KSR2: variants seen among roughly 807,000 people sequenced by gnomAD.
KSR2 encodes kinase suppressor of ras 2.
Under a neutral mutation model 107.8 loss-of-function variants are expected in KSR2, and 25 were observed. The observed-to-expected ratio is 0.23, with a 90% CI of 0.17 to 0.32. KSR2 has a LOEUF of 0.32. Ranked by LOEUF, KSR2 falls within the 10% of genes least tolerant of loss-of-function variation. The pLI is 1.00. For missense variants in KSR2, 887 were observed against 1,268.9 expected, an observed-to-expected ratio of 0.70 and a Z score of 4.57; for synonymous variants, 480 against 507.0, an observed-to-expected ratio of 0.95 and a Z score of 0.71.
At chr12:117,860,790 C>T (rs1269707209) in intron 1 of KSR2, among the ~76,000 whole-genome samples, 3 of 152,190 alleles carry the variant, frequency 2.0e-5, no homozygotes, top group Non-Finnish European at 4.4e-5. Flanking sequence ...GTGATCTCTG[C>T]TCAGTGCAAC....
intron 3 of KSR2, among the ~76,000 whole-genome samples, chr12:117,794,432 ACT>A (rs753161033): frequency 2.2e-5 from 2 of 91,268 alleles, no homozygotes; most frequent in Non-Finnish European, 2.0e-5. Flanking sequence ...CAACATGCAC[ACT>A]CACACCAACA....
intron 4 of KSR2, among the ~76,000 whole-genome samples, chr12:117,724,188 G>T (rs1477794658): frequency 1.3e-5 from 2 of 151,708 alleles, no homozygotes; most frequent in African/African-American, 4.8e-5. Context: ...TGTGCCTGCA[G>T]TCCCAACTAC....
intron 7 of KSR2, among the ~76,000 whole-genome samples, chr12:117,571,469 C>G: frequency 6.6e-6 from 1 of 152,076 alleles, no homozygotes; most frequent in South Asian, 2.1e-4. Flanking sequence ...GGCTCTGAAC[C>G]ACCTGGGGAA....
At chr12:117,908,730 T>C (rs1052859617) in intron 1 of KSR2, among the ~76,000 whole-genome samples, 2 of 152,146 alleles carry the variant, frequency 1.3e-5, no homozygotes, top group South Asian at 2.1e-4. Context: ...GCAAAACGCA[T>C]CAAAGACATC....
chr12:117,872,070 T>C (rs1893672009), intron 1 of KSR2, among the ~76,000 whole-genome samples: 1 of 152,220 alleles, frequency 6.6e-6, no homozygotes. Flanking sequence ...AGCCATCTCA[T>C]TAAATAAGTA....
Position 117,761,516 on chromosome 12 carries a change from G to C in KSR2, c.481C>G (p.Leu161Val). Reference protein sequence around the residue: ...LRNVHMSGGNLSKQDWTIQWP... With the variant: ...LRNVHMSGGNVSKQDWTIQWP... ...TGGATGGTCCAGTCTTGTTTGGAAA[G>C]GTTGCCTCCTGAGTTGGAACAGAAG... Residue 161 changes from leucine (L) to valine (V), a missense_variant, in exon 4 of 20, where the codon CTT (leucine) becomes GTT (valine). By Grantham distance (32) the Leu-to-Val change is conservative. Transcript: ENST00000339824. 1 of 1,613,500 alleles carries C rather than the reference G, an allele frequency of 6.2e-7. No homozygotes were observed. Among genetic ancestry groups the C allele is most frequent in the Non-Finnish European group, 8.5e-7 (1 of 1,179,810 alleles).
In KSR2 at chr12:117,842,795, C is replaced by G. The variant is rs551071459; in HGVS notation, c.472+12633G>C. Among the ~76,000 whole-genome samples, 3 of 152,134 alleles carry G rather than the reference C, an allele frequency of 2.0e-5. No individual in the cohort carries two copies. Among genetic ancestry groups the G allele is most frequent in the Admixed American group, 2.0e-4 (3 of 15,290 alleles). ...AGACAGAGGGGGCAGGGGTGGCCTG[C>G]AAGAAAGAGAAAGTGGGCTGCAGGG... On this transcript the variant is annotated intron_variant, in intron 3 of 19. Coordinates refer to ENST00000339824, the MANE Select transcript of KSR2 (RefSeq NM_173598.6). This position sits in a 1 kb window ranked among gnomAD's most constrained non-coding sequence, Gnocchi z 4.2.
intron 4 of KSR2, among the ~76,000 whole-genome samples, chr12:117,759,037 A>G (rs12317983): frequency 0.029 from 4,489 of 152,206 alleles, 235 homozygotes; most frequent in African/African-American, 0.1. Context: ...CACAACTCCA[A>G]TCAGAAAAGC....
intron 12 of KSR2, among the ~76,000 whole-genome samples, chr12:117,529,464 C>T (rs1362706355): frequency 1.3e-5 from 2 of 152,136 alleles, no homozygotes; most frequent in Non-Finnish European, 2.9e-5. Flanking sequence ...GATCCTCCTA[C>T]CTTGCCCTCC....
chr12:117,699,766 C>T (rs1002975473), intron 4 of KSR2, among the ~76,000 whole-genome samples: 1 of 152,184 alleles, frequency 6.6e-6, no homozygotes, highest in African/African-American at 2.4e-5. Flanking sequence ...TTCATAAACA[C>T]TGTACACTTA....
At chr12:117,477,176 C>T (rs1462302131) in intron 16 of KSR2, among the ~76,000 whole-genome samples, 2 of 152,204 alleles carry the variant, frequency 1.3e-5, no homozygotes, top group Non-Finnish European at 2.9e-5. Context: ...CCCACTCTGT[C>T]TCAACCTCCA....
At chr12:117,795,083 C>T (rs1890573830) in intron 3 of KSR2, among the ~76,000 whole-genome samples, 1 of 152,182 alleles carries the variant, frequency 6.6e-6, no homozygotes, top group South Asian at 2.1e-4. Context: ...TTTCCTTTAG[C>T]AGAGAAATGC....
intron 5 of KSR2, among the ~76,000 whole-genome samples, chr12:117,643,364 T>C (rs1883468137): frequency 6.6e-6 from 1 of 152,116 alleles, no homozygotes; most frequent in Non-Finnish European, 1.5e-5. Context: ...GGAGAATCGC[T>C]TGAATCTGGG....
chr12:117,646,060 C>G (rs539846623), intron 5 of KSR2, among the ~76,000 whole-genome samples: 1 of 152,198 alleles, frequency 6.6e-6, no homozygotes, highest in Non-Finnish European at 1.5e-5. Flanking sequence ...CTTTAAATCA[C>G]CTCTACATTA....
intron 14 of KSR2, among the ~76,000 whole-genome samples, chr12:117,499,173 T>C (rs1649840496): frequency 6.6e-6 from 1 of 152,240 alleles, no homozygotes. Flanking sequence ...AGAACCACAC[T>C]TATTTTTCAA....
chr12:117,815,689 TG>T (rs930347805), intron 3 of KSR2, among the ~76,000 whole-genome samples: 3 of 151,760 alleles, frequency 2.0e-5, no homozygotes, highest in African/African-American at 7.3e-5. Flanking sequence ...AGTGTGTGTG[TG>T]GGGGGCGCAG....
chr12:117,571,481 G>T (rs1050107509), intron 7 of KSR2, among the ~76,000 whole-genome samples: 1 of 152,258 alleles, frequency 6.6e-6, no homozygotes, highest in East Asian at 1.9e-4. Context: ...CCTGGGGAAG[G>T]GGGAGGGGCT....
intron 3 of KSR2, among the ~76,000 whole-genome samples, chr12:117,765,421 C>T (rs1353479132): frequency 6.6e-6 from 1 of 152,126 alleles, no homozygotes; most frequent in Admixed American, 6.6e-5. Context: ...AGCTCTGTGA[C>T]CTTGGGCAAA....
chr12:117,709,536 C>A (rs1550851), intron 4 of KSR2, among the ~76,000 whole-genome samples: 1 of 152,068 alleles, frequency 6.6e-6, no homozygotes, highest in Non-Finnish European at 1.5e-5. Context: ...CTTGCTCGGC[C>A]TGCTCAGAAG....
Sources: allele counts gnomAD v4.1 joint callset (sites outside exome capture counted in the v4.1 genomes callset), GRCh38; gene constraint gnomAD v4.1.1; non-coding constraint Gnocchi (gnomAD v3.1); transcripts MANE v1.5; gene names NCBI Gene and HGNC (gene_info 2026-07-23, HGNC 2026-07-21).